CYP2J2: variants seen among roughly 807,000 people sequenced by gnomAD.
The protein encoded by CYP2J2 is cytochrome P450 family 2 subfamily J member 2, also known as cytochrome P450 2J2.
In CYP2J2, 41 loss-of-function variants were observed where a neutral mutation model predicts 48.8. The observed-to-expected ratio is 0.84, with a 90% CI of 0.66 to 1.09. The LOEUF is 1.09. CYP2J2 is among the 50% of genes least tolerant of loss of function. The pLI, the probability that CYP2J2 is intolerant of heterozygous loss-of-function variation, is 0.00. For missense variants in CYP2J2, 644 were observed against 617.3 expected (o/e 1.04, Z -0.46); for synonymous variants, 221 against 227.1 (o/e 0.97, Z 0.24).
the CYP2J2 span, among the ~76,000 whole-genome samples, chr1:59,968,493 C>T: frequency 1.3e-5 from 2 of 152,086 alleles, no homozygotes; most frequent in Admixed American, 1.3e-4. Flanking sequence ...AGAGATGAGG[C>T]GGTGGGCACA....
At chr1:59,935,746 G>A in the CYP2J2 span, among the ~76,000 whole-genome samples, 1 of 152,146 alleles carries the variant, frequency 6.6e-6, no homozygotes, top group Non-Finnish European at 1.5e-5. Flanking sequence ...CAGGATGTCA[G>A]TCTGATATCA....
At chr1:59,927,744 T>C (rs7533359), upstream of CYP2J2, among the ~76,000 whole-genome samples, 42,561 of 151,990 alleles carry the variant, frequency 0.28, 7,263 homozygotes, top group South Asian at 0.44. Context: ...GGCTAATTTT[T>C]GTATTTTTGG....
At chr1:59,954,752 G>A in the CYP2J2 span, among the ~76,000 whole-genome samples, 13 of 152,050 alleles carry the variant, frequency 8.5e-5, no homozygotes, top group South Asian at 2.7e-3. Context: ...TGAAGGAGGA[G>A]ACAAAAAACT....
chr1:59,952,307 CTT>C, the CYP2J2 span, among the ~76,000 whole-genome samples: 25 of 140,058 alleles, frequency 1.8e-4, no homozygotes, highest in African/African-American at 5.4e-4. Flanking sequence ...TATGCGTATG[CTT>C]TTTTTTTTTT....
At chr1:59,964,213 G>T in the CYP2J2 span, among the ~76,000 whole-genome samples, 3 of 152,202 alleles carry the variant, frequency 2.0e-5, no homozygotes, top group East Asian at 1.9e-4. Flanking sequence ...TTTGGATAGA[G>T]AATAGGGTCA....
intron 8 of CYP2J2, among the ~76,000 whole-genome samples, chr1:59,895,219 T>A (rs896951291): frequency 6.6e-6 from 1 of 152,218 alleles, no homozygotes; most frequent in African/African-American, 2.4e-5. Context: ...CAGTACATGA[T>A]CATGGATTGC....
At chr1:59,963,635 C>T in the CYP2J2 span, among the ~76,000 whole-genome samples, 3 of 152,102 alleles carry the variant, frequency 2.0e-5, no homozygotes, top group African/African-American at 4.8e-5. Flanking sequence ...GTAATTAATG[C>T]TTCTATGAAC....
chr1:59,908,100 G>A (rs980160248), intron 5 of CYP2J2, among the ~76,000 whole-genome samples, 173 bp from the exon 6 acceptor site: 1 of 152,186 alleles, frequency 6.6e-6, no homozygotes, highest in African/African-American at 2.4e-5. Flanking sequence ...AATATCATTA[G>A]CATTGTCCTG....
the CYP2J2 span, among the ~76,000 whole-genome samples, chr1:59,943,859 G>C: frequency 1.3e-5 from 2 of 152,182 alleles, no homozygotes; most frequent in Non-Finnish European, 2.9e-5. Flanking sequence ...GGAAGTCACT[G>C]GTGATCTCAG....
intron 8 of CYP2J2, among the ~76,000 whole-genome samples, chr1:59,895,723 A>G (rs953545883): frequency 1.1e-4 from 16 of 152,278 alleles, no homozygotes; most frequent in African/African-American, 3.8e-4. Flanking sequence ...ATATGTATAC[A>G]TGTGCCATGC....
chr1:59,912,123 G>A, intron 3 of CYP2J2, 39 bp downstream of exon 3: 2 of 1,580,928 alleles, frequency 1.3e-6, no homozygotes, highest in Non-Finnish European at 1.7e-6. Flanking sequence ...ATGAACAAAT[G>A]GGCCACAGTC....
chr1:59,941,228 A>C, the CYP2J2 span, among the ~76,000 whole-genome samples: 2 of 152,298 alleles, frequency 1.3e-5, no homozygotes. Flanking sequence ...ACACTGCAAA[A>C]TGATGTTTCA....
chr1:59,950,250 T>G, the CYP2J2 span, among the ~76,000 whole-genome samples: 1 of 152,172 alleles, frequency 6.6e-6, no homozygotes, highest in South Asian at 2.1e-4. Context: ...ACACTGCTCT[T>G]CTCCAGTCAG....
intron 8 of CYP2J2, among the ~76,000 whole-genome samples, chr1:59,899,897 A>G (rs919486670): frequency 1.3e-5 from 2 of 152,230 alleles, no homozygotes; most frequent in African/African-American, 2.4e-5. Context: ...TATTGATGGA[A>G]TTAAAGAATT....
At chr1:59,944,183 A>G in the CYP2J2 span, among the ~76,000 whole-genome samples, 26 of 152,176 alleles carry the variant, frequency 1.7e-4, no homozygotes, top group Admixed American at 3.3e-4. Context: ...CTAGCTGTCT[A>G]AAGTTATAAA....
At chr1:59,951,108 A>G in the CYP2J2 span, among the ~76,000 whole-genome samples, 1 of 152,188 alleles carries the variant, frequency 6.6e-6, no homozygotes, top group Non-Finnish European at 1.5e-5. Context: ...TTTGAAAACA[A>G]TTTCCACACT....
chr1:59,951,765 C>T, the CYP2J2 span, among the ~76,000 whole-genome samples: 1 of 152,320 alleles, frequency 6.6e-6, no homozygotes, highest in African/African-American at 2.4e-5. Context: ...CCTGTCTTCT[C>T]TCCCGACCTT....
At chr1:59,951,921 C>T in the CYP2J2 span, among the ~76,000 whole-genome samples, 1 of 152,174 alleles carries the variant, frequency 6.6e-6, no homozygotes, top group African/African-American at 2.4e-5. Flanking sequence ...TCTCCTACCC[C>T]ACTTCCCATC....
In CYP2J2 at chr1:59,902,984, A is replaced by G. The variant is rs147825316; in HGVS notation, c.1192-1881T>C. Among the ~76,000 whole-genome samples, 411 of 152,332 alleles carry G rather than the reference A, an allele frequency of 2.7e-3. 1 individual carries two copies. The highest frequency in any genetic ancestry group is 9.4e-3 in the African/African-American group (389 of 41,574). Reference sequence around the variant, plus strand: ...AATTATTTCAACTTGTCAGTTCCCAAGATGATTTTTAAAGCTGACAAAAAT... The same window carrying G: ...AATTATTTCAACTTGTCAGTTCCCAGGATGATTTTTAAAGCTGACAAAAAT... On this transcript the variant is annotated intron_variant, in intron 7 of 8. Coordinates refer to ENST00000371204, the MANE Select transcript of CYP2J2 (RefSeq NM_000775.4).
Sources: allele counts gnomAD v4.1 joint callset (sites outside exome capture counted in the v4.1 genomes callset), GRCh38; gene constraint gnomAD v4.1.1; transcripts MANE v1.5; gene names NCBI Gene and HGNC (gene_info 2026-07-23, HGNC 2026-07-21).